TAF3: variants seen among roughly 807,000 people sequenced by gnomAD.
TAF3 encodes the protein transcription initiation factor TFIID subunit 3.
Under a neutral mutation model 80.6 loss-of-function variants are expected in TAF3, and 7 were observed. The observed-to-expected ratio is 0.09, with a 90% confidence interval of 0.05 to 0.16. The LOEUF (loss-of-function observed/expected upper bound fraction) is 0.16. TAF3 is among the 10% of genes least tolerant of loss of function. The probability of loss-of-function intolerance (pLI) is 1.00; values close to 1 mark genes in which losing one functional copy is unlikely to be tolerated. For missense variants in TAF3, 921 were observed against 1,140.2 expected (o/e 0.81, Z 2.77); for synonymous variants, 444 against 446.1 (o/e 1.00, Z 0.06).
At chr10:7,889,523 A>G (rs1837439716) in intron 2 of TAF3, among the ~76,000 whole-genome samples, 1 of 152,114 alleles carries the variant, frequency 6.6e-6, no homozygotes, top group African/African-American at 2.4e-5. Flanking sequence ...TGGATTCACA[A>G]CCACTCTGAC....
chr10:7,984,981 A>T (rs1022741012), intron 4 of TAF3, among the ~76,000 whole-genome samples: 1 of 152,168 alleles, frequency 6.6e-6, no homozygotes, highest in African/African-American at 2.4e-5. Flanking sequence ...AATCCTTTGC[A>T]TTCTGTTATT....
intron 2 of TAF3, among the ~76,000 whole-genome samples, chr10:7,905,199 GTT>G (rs1837595881): frequency 6.6e-6 from 1 of 152,168 alleles, no homozygotes. Context: ...CTACGTTAGA[GTT>G]TGAGACCCCA....
chr10:7,948,120 TG>T (rs1838044181), intron 2 of TAF3, among the ~76,000 whole-genome samples: 1 of 151,640 alleles, frequency 6.6e-6, no homozygotes, highest in Non-Finnish European at 1.5e-5. Flanking sequence ...TGGAACGCAG[TG>T]GTACGAACAT....
intron 2 of TAF3, among the ~76,000 whole-genome samples, chr10:7,962,247 C>T (rs1831514879): frequency 1.3e-5 from 2 of 152,202 alleles, no homozygotes; most frequent in African/African-American, 4.8e-5. Flanking sequence ...GAATATCCTT[C>T]ACCTCTGCTG....
intron 2 of TAF3, among the ~76,000 whole-genome samples, chr10:7,946,080 G>T (rs1459609460): frequency 6.6e-6 from 1 of 151,986 alleles, no homozygotes; most frequent in African/African-American, 2.4e-5. Flanking sequence ...CACCCTCTCG[G>T]GTCATCCATA....
At chr10:7,952,543 A>T (rs751997253) in intron 2 of TAF3, among the ~76,000 whole-genome samples, 12 of 152,246 alleles carry the variant, frequency 7.9e-5, no homozygotes, top group African/African-American at 2.9e-4. Flanking sequence ...TGCTGCAGTT[A>T]TGTGATACAA....
intron 2 of TAF3, among the ~76,000 whole-genome samples, chr10:7,834,267 T>C (rs74946951): frequency 6.6e-5 from 10 of 152,216 alleles, no homozygotes; most frequent in Non-Finnish European, 1.5e-4. Context: ...ATATAAAAAA[T>C]AATTGCCCAG....
intron 2 of TAF3, among the ~76,000 whole-genome samples, chr10:7,938,142 A>G (rs1837940057): frequency 6.6e-6 from 1 of 152,222 alleles, no homozygotes; most frequent in Non-Finnish European, 1.5e-5. Flanking sequence ...CAATAAACAT[A>G]TATTTTTAGA....
intron 4 of TAF3, among the ~76,000 whole-genome samples, chr10:7,981,193 C>G (rs1831722374): frequency 6.6e-6 from 1 of 152,148 alleles, no homozygotes; most frequent in African/African-American, 2.4e-5. Context: ...GCATTCTTCC[C>G]CTCAGATTTC....
intron 2 of TAF3, among the ~76,000 whole-genome samples, chr10:7,922,820 A>G (rs1415829792): frequency 6.6e-6 from 1 of 152,086 alleles, no homozygotes. Flanking sequence ...AATCACTTGG[A>G]GTTCATTTTA....
chr10:7,824,551 T>G lies in TAF3; in HGVS notation c.400T>G (p.Ser134Ala), dbSNP rs1258141903. The G allele has an allele frequency of 4.3e-6, 7 of 1,613,938 alleles. No homozygotes were observed. In the Admixed American group the frequency reaches 5.0e-5, roughly 12 times the overall value. The change falls in exon 2 of 7, where the codon TCT becomes GCT. Residue 134 changes from serine (S) to alanine (A), a missense_variant. Coordinates refer to ENST00000344293, the MANE Select transcript of TAF3 (RefSeq NM_031923.4). Reference protein sequence around the residue: ...IPDYLPPIVSSQEEEEEEQVP... With the variant: ...IPDYLPPIVSAQEEEEEEQVP... ...TGATTACCTGCCACCCATTGTGTCT[T>G]CTCAAGAAGGTTTGTGAGTGTTTCT... is the stretch of plus-strand genomic sequence containing the variant.
chr10:8,014,211 G>T (rs936103441), intron 6 of TAF3, among the ~76,000 whole-genome samples: 9 of 152,172 alleles, frequency 5.9e-5, no homozygotes, highest in Non-Finnish European at 1.0e-4. Context: ...CAAACTGCAG[G>T]ACTAAAGACT....
At chr10:7,840,472 AT>A (rs528527311) in intron 2 of TAF3, among the ~76,000 whole-genome samples, 272 of 150,874 alleles carry the variant, frequency 1.8e-3, no homozygotes, top group African/African-American at 6.3e-3. Context: ...GTGTTTTGAT[AT>A]TTACTATAAA....
At chr10:7,999,005 G>A (rs1041459757) in intron 4 of TAF3, among the ~76,000 whole-genome samples, 1 of 152,054 alleles carries the variant, frequency 6.6e-6, no homozygotes. Context: ...GATTGTACCT[G>A]GTGTTGGGAA....
intron 2 of TAF3, among the ~76,000 whole-genome samples, chr10:7,942,144 T>C (rs959880146): frequency 2.6e-5 from 4 of 152,170 alleles, no homozygotes; most frequent in African/African-American, 9.7e-5. Context: ...GTTCTTATAA[T>C]TCTGATTTGG....
intron 2 of TAF3, among the ~76,000 whole-genome samples, chr10:7,955,517 T>C (rs1039887509): frequency 1.3e-5 from 2 of 152,238 alleles, no homozygotes; most frequent in Non-Finnish European, 2.9e-5. Flanking sequence ...TTGGAGAACA[T>C]GCCACTGAAT....
intron 2 of TAF3, among the ~76,000 whole-genome samples, chr10:7,906,642 A>C (rs1164101687): frequency 2.0e-5 from 3 of 152,060 alleles, no homozygotes; most frequent in Admixed American, 1.3e-4. Context: ...TCTTTCCCCA[A>C]ACAGGAAAAT....
intron 1 of TAF3, among the ~76,000 whole-genome samples, chr10:7,823,473 TA>T (rs879431278): frequency 1.5e-3 from 207 of 142,318 alleles, no homozygotes; most frequent in African/African-American, 1.3e-3. Flanking sequence ...TCTACAAAAT[TA>T]AAAAAAAAAA....
chr10:7,892,642 A>T (rs941350989), intron 2 of TAF3, among the ~76,000 whole-genome samples: 4 of 152,090 alleles, frequency 2.6e-5, no homozygotes, highest in Admixed American at 2.6e-4. Flanking sequence ...GTTCTGCTGT[A>T]AAGTTTGGGT....
Sources: allele counts gnomAD v4.1 joint callset (sites outside exome capture counted in the v4.1 genomes callset), GRCh38; gene constraint gnomAD v4.1.1; transcripts MANE v1.5; gene names NCBI Gene and HGNC (gene_info 2026-07-23, HGNC 2026-07-21).